RGS12: variants seen among roughly 807,000 people sequenced by gnomAD.
RGS12 encodes the protein regulator of G protein signaling 12.
Under a neutral mutation model 120.1 loss-of-function variants are expected in RGS12, and 66 were observed. That is an observed-to-expected ratio of 0.55 (90% confidence interval 0.45 to 0.67). The LOEUF is 0.67. RGS12 is among the 30% of genes least tolerant of loss of function. The probability of loss-of-function intolerance (pLI) is 0.00; values close to 1 mark genes in which losing one functional copy is unlikely to be tolerated. For synonymous variants in RGS12, 827 were observed against 804.7 expected (o/e 1.03, Z -0.47); for missense variants, 1,859 against 1,957.7 (o/e 0.95, Z 0.95).
At chr4:3,321,381 G>A (rs946483872) in intron 2 of RGS12, among the ~76,000 whole-genome samples, 1 of 152,146 alleles carries the variant, frequency 6.6e-6, no homozygotes, top group Non-Finnish European at 1.5e-5. Flanking sequence ...ACCCTCACAT[G>A]CCAGTCCACC....
rs1400046671 is a variant in RGS12 at position 3,428,461 on chromosome 4, C to G, written c.3412-97C>G. The G allele has an allele frequency of 7.5e-6, 8 of 1,073,220 alleles. No homozygotes were observed. The Admixed American group carries it at 1.2e-4, about 15-fold the overall frequency. 66.5% of individuals were successfully genotyped at this position (1,073,220 alleles called of 1,614,324 possible). A position where few individuals can be genotyped will look rare whatever the true frequency, so the allele number is the denominator to read the frequency against. On this transcript the variant is annotated intron_variant, in intron 15 of 17. Coordinates refer to ENST00000336727, the MANE Select transcript of RGS12 (RefSeq NM_001394154.1). Reference sequence around the variant, plus strand: ...AATGCATGTAAATTCTGTATCAATGCAATCTATTTCATAGAGCCTTCTACT... The same window carrying G: ...AATGCATGTAAATTCTGTATCAATGGAATCTATTTCATAGAGCCTTCTACT...
intron 1 of RGS12, among the ~76,000 whole-genome samples, chr4:3,303,366 G>A (rs1723789320): frequency 6.6e-6 from 1 of 152,206 alleles, no homozygotes; most frequent in African/African-American, 2.4e-5. Flanking sequence ...ACTGGATGGG[G>A]ACACAGGTGA....
chr4:3,317,466 G>A lies in RGS12; in HGVS notation c.1296G>A (p.Glu432=), dbSNP rs779980250. Residue 432 remains glutamate (E), a synonymous_variant, in exon 2 of 18, where the codon GAG becomes GAA. Coordinates refer to ENST00000336727, the MANE Select transcript of RGS12 (RefSeq NM_001394154.1). Reference sequence around the variant, plus strand: ...GCGGCATTGGGAACTTCCACCAGGAGGAGAAGAGCAACCGGGTCCTTGTGG... The same window carrying A: ...GCGGCATTGGGAACTTCCACCAGGAAGAGAAGAGCAACCGGGTCCTTGTGG... The part of the protein sequence containing the change: ...SDSGIGNFHQ[E]EKSNRVLVVD... 6.8e-6 allele frequency: 11 copies of A among 1,614,030 alleles called. No homozygotes were observed. In the South Asian group the frequency reaches 9.9e-5, roughly 14 times the overall value.
rs758000451 is a variant in RGS12, at chr4:3,425,543, A to T, written c.3314A>T (p.Asp1105Val). ...CAGCGGGTTGTCTTGGAGGAGAAGG[A>T]TCCTTCCAGAGGAAAGGGTGAGTAG... Reference protein sequence around the residue: ...DGQRVVLEEKDPSRGKASADK... With the variant: ...DGQRVVLEEKVPSRGKASADK... Residue 1105 changes from aspartate to valine, a missense_variant, in exon 14 of 18, where the codon GAT becomes GTT. Physicochemically the swap from Asp to Val is radical, Grantham distance 152 (BLOSUM62 -3). This residue lies in a region of RGS12 where 517 missense variants were observed against 488.5 expected (regional missense o/e 1.06). Transcript: ENST00000336727. 1.8e-5 allele frequency: 29 copies of T among 1,609,162 alleles called. No individual in the cohort carries two copies. The highest frequency in any genetic ancestry group is 1.6e-4 in the Middle Eastern group (1 of 6,078).
At chr4:3,320,486 T>C (rs1725104082) in intron 2 of RGS12, among the ~76,000 whole-genome samples, 2 of 152,218 alleles carry the variant, frequency 1.3e-5, no homozygotes, top group Non-Finnish European at 2.9e-5. Context: ...GGCCAGGCGA[T>C]TGAGGTTTGG....
intron 1 of RGS12, among the ~76,000 whole-genome samples, chr4:3,303,011 T>A (rs1357689654): frequency 6.6e-6 from 1 of 152,156 alleles, no homozygotes; most frequent in African/African-American, 2.4e-5. Context: ...CACCTGGAGC[T>A]GCTGCAGAAG....
intron 3 of RGS12, 70 bp downstream of exon 3, chr4:3,343,123 C>T (rs1190107043): frequency 1.8e-5 from 20 of 1,136,910 alleles, no homozygotes; most frequent in Non-Finnish European, 2.2e-5. Context: ...CTTGCAGATA[C>T]GTCTGGCTGT....
upstream of RGS12, among the ~76,000 whole-genome samples, chr4:3,288,131 C>T (rs1449481869): frequency 2.6e-5 from 4 of 152,306 alleles, no homozygotes; most frequent in East Asian, 1.9e-4. This position sits in a 1 kb window ranked among gnomAD's most constrained non-coding sequence, Gnocchi z 5.2. Context: ...CACAAGGATT[C>T]GATGGCAGAT....
At chr4:3,294,327 A>T (rs1723243483) in intron 1 of RGS12, among the ~76,000 whole-genome samples, 1 of 152,252 alleles carries the variant, frequency 6.6e-6, no homozygotes, top group African/African-American at 2.4e-5. Flanking sequence ...AGGAGGGCAG[A>T]GAGGCGGCTT....
intron 2 of RGS12, among the ~76,000 whole-genome samples, chr4:3,319,993 C>T (rs1287256237): frequency 2.6e-5 from 4 of 152,240 alleles, no homozygotes; most frequent in Non-Finnish European, 5.9e-5. Context: ...TGAAAATGTT[C>T]TTTGGAATCA....
chr4:3,293,113 GC>G lies in RGS12; in HGVS notation c.-102+16del. The G allele has an allele frequency of 6.8e-6, 1 of 146,510 alleles. No individual in the cohort carries two copies. 9.1% of individuals were successfully genotyped at this position (146,510 alleles called of 1,614,324 possible). A position where few individuals can be genotyped will look rare whatever the true frequency, so the allele number is the denominator to read the frequency against. On this transcript the variant is annotated intron_variant, in intron 1 of 17. Transcript: ENST00000336727. ...CGGCGCGGCCCGGTAGGTGTGCGGGGCCGGGGCCGGGGCGGGGGCAGGGCGC... is the reference window on the plus strand; with the variant it reads ...CGGCGCGGCCCGGTAGGTGTGCGGGGCGGGGCCGGGGCGGGGGCAGGGCGC...
At chr4:3,408,519 T>C (rs2109070404) in intron 4 of RGS12, among the ~76,000 whole-genome samples, 2 of 152,360 alleles carry the variant, frequency 1.3e-5, no homozygotes, top group Middle Eastern at 6.8e-3. Flanking sequence ...GGAGAGCTTA[T>C]GATTGCAAGA....
chr4:3,342,618 C>A, intron 2 of RGS12: 1 of 1,314,176 alleles, frequency 7.6e-7, no homozygotes, highest in Non-Finnish European at 1.0e-6. Context: ...CACGTGATTT[C>A]ATTTGATCTG....
In RGS12 at chr4:3,399,590, C is replaced by T. The variant is rs10488842; in HGVS notation, c.2020+13153C>T. 7.0e-4 allele frequency among the ~76,000 whole-genome samples: 106 copies of T among 152,286 alleles called. 1 individual carries two copies. In the South Asian group the frequency reaches 0.014, roughly 21 times the overall value. ...ACTTTATACTGTACATTTGATTAACCGGACAATCTTTAGGAAAATATAAAT... is the reference window on the plus strand; with the variant it reads ...ACTTTATACTGTACATTTGATTAACTGGACAATCTTTAGGAAAATATAAAT... On this transcript the variant is annotated intron_variant, in intron 4 of 17. Transcript: ENST00000336727.
At chr4:3,288,838 C>A (rs1196401305), upstream of RGS12, among the ~76,000 whole-genome samples, 1 of 152,178 alleles carries the variant, frequency 6.6e-6, no homozygotes, top group African/African-American at 2.4e-5. The surrounding 1 kb of genome is among the most constrained non-coding windows in gnomAD (Gnocchi z 5.2). Context: ...GGCCCCAGGT[C>A]CCAGCTCCCA....
intron 3 of RGS12, among the ~76,000 whole-genome samples, chr4:3,348,874 G>A (rs1457853179): frequency 1.3e-5 from 2 of 152,198 alleles, no homozygotes; most frequent in African/African-American, 4.8e-5. Flanking sequence ...AGCCCAAGCC[G>A]AGGCTGTCAG....
chr4:3,417,798 A>C, intron 9 of RGS12: 1 of 473,980 alleles, frequency 2.1e-6, no homozygotes, highest in East Asian at 3.5e-5. Context: ...GCCCATGCCT[A>C]CCTCAGGCCT....
chr4:3,425,161 C>G lies in RGS12; in HGVS notation c.3235-303C>G, dbSNP rs900154064. Among the ~76,000 whole-genome samples the G allele has an allele frequency of 2.0e-5, 3 of 152,160 alleles. No individual in the cohort carries two copies. In the East Asian group the frequency reaches 5.8e-4, roughly 29 times the overall value. On this transcript the variant is annotated intron_variant, in intron 13 of 17. Transcript: ENST00000336727. Reference sequence around the variant, plus strand: ...CTCAGTATTCCCCTCATAGCAGTTTCGAGGGTCAGTATTTCCCTCATAGCA... The same window carrying G: ...CTCAGTATTCCCCTCATAGCAGTTTGGAGGGTCAGTATTTCCCTCATAGCA...
Position 3,350,791 on chromosome 4 carries a change from C to G in RGS12, c.1998+7738C>G, listed in dbSNP as rs532325006. Among the ~76,000 whole-genome samples, 407 of 152,278 alleles carry G rather than the reference C, an allele frequency of 2.7e-3. 4 individuals are homozygous for G. Among genetic ancestry groups the G allele is most frequent in the Non-Finnish European group, 4.7e-3 (322 of 68,030 alleles). On this transcript the variant is annotated intron_variant, in intron 3 of 17. Coordinates refer to ENST00000336727, the MANE Select transcript of RGS12 (RefSeq NM_001394154.1). Reference sequence around the variant, plus strand: ...TACATGAGTGCTTGTTTAAGCCAATCCAAATAGAATTTCTTAAGGGATTTC... The same window carrying G: ...TACATGAGTGCTTGTTTAAGCCAATGCAAATAGAATTTCTTAAGGGATTTC...
Sources: gnomAD v4.1 joint callset for allele counts (sites outside exome capture counted in the v4.1 genomes callset) on GRCh38, gnomAD v4.1.1 for gene constraint, gnomAD v4.1.1 regional missense constraint, Gnocchi (gnomAD v3.1) non-coding constraint, MANE v1.5 for transcripts, NCBI Gene and HGNC (gene_info 2026-07-23, HGNC 2026-07-21) for gene names.